INTS1: variants seen among roughly 807,000 people sequenced by gnomAD.
INTS1 encodes the protein integrator complex subunit 1.
Under a neutral mutation model 241.6 loss-of-function variants are expected in INTS1, and 137 were observed. The ratio of observed to expected loss-of-function variants is 0.57; its 90% CI spans 0.49 to 0.65. INTS1 has a LOEUF of 0.65. INTS1 is among the 30% of genes least tolerant of loss of function. INTS1 has a pLI of 0.00. For synonymous variants in INTS1, 1,692 were observed against 1,337.8 expected (o/e 1.26, Z -5.78); for missense variants, 3,073 against 3,032.2 (o/e 1.01, Z -0.32).
At chr7:1,479,792 G>A (rs1435074212) in intron 30 of INTS1, 108 bp from the exon 31 acceptor site, 10 of 1,221,276 alleles carry the variant, frequency 8.2e-6, no homozygotes, top group South Asian at 1.7e-5. Flanking sequence ...GCGTCCCATC[G>A]TGTCCCTGTT....
Position 1,476,620 on chromosome 7 carries a change from A to G in INTS1, c.5101T>C (p.Cys1701Arg), listed in dbSNP as rs1781736321. The stretch of plus-strand genomic sequence containing the variant: ...TGCCAGATGCGAGGAACATGGATGC[A>G]GGCCCAGAGGAAGTCCAGAGAGGCA... ...PSASLDFLWA[C>R]IHVPRIWQGR... The change falls in exon 37 of 48, where the codon TGC (cysteine) becomes CGC (arginine). Residue 1701 changes from cysteine (C) to arginine (R), a missense_variant. Cys to Arg is a radical substitution (Grantham distance 180). Transcript: ENST00000404767. 5.0e-6 allele frequency: 8 copies of G among 1,612,556 alleles called. No homozygotes were observed. Among genetic ancestry groups the G allele is most frequent in the Non-Finnish European group, 6.8e-6 (8 of 1,179,828 alleles).
rs148713511 is a variant in INTS1, at chr7:1,486,006, G to A, written c.2977-537C>T. ...TTGTAGAGATGGGTATCATTATGTT[G>A]CCCAGGCTGGTCTCAAACTCCTGGG... On this transcript the variant is annotated intron_variant, in intron 22 of 47. Coordinates refer to ENST00000404767, the MANE Select transcript of INTS1 (RefSeq NM_001080453.3). Among the ~76,000 whole-genome samples, 576 of 152,146 alleles carry A rather than the reference G, an allele frequency of 3.8e-3. 4 individuals are homozygous for A. The highest frequency in any genetic ancestry group is 0.013 in the African/African-American group (557 of 41,498).
chr7:1,500,232 G>C lies in INTS1; in HGVS notation c.484C>G (p.Leu162Val), dbSNP rs199632214. The stretch of plus-strand genomic sequence containing the variant: ...ATCTTGGCCAGGTACATGAGGCTCA[G>C]GTAGAGGGTGCTGTCAGGCTTGGCG... ...TRAKPDSTLYLSLMYLAKIKP... is the reference protein window; with the variant it reads ...TRAKPDSTLYVSLMYLAKIKP... Residue 162 changes from leucine (L) to valine (V), a missense_variant, in exon 4 of 48, where the codon CTG (leucine) becomes GTG (valine). Transcript: ENST00000404767. 1 of 1,605,772 alleles carries C rather than the reference G, an allele frequency of 6.2e-7. No homozygotes were observed. The highest frequency in any genetic ancestry group is 2.2e-5 in the East Asian group (1 of 44,510).
intron 24 of INTS1, 112 bp from the exon 25 acceptor site, chr7:1,484,282 G>A (rs1037223788): frequency 2.4e-5 from 27 of 1,141,908 alleles, no homozygotes; most frequent in Admixed American, 4.6e-5. Flanking sequence ...CAGGGCCCGC[G>A]GCACCGCAGA....
At chr7:1,478,260 G>C in intron 33 of INTS1, 106 bp downstream of exon 33, 1 of 1,308,004 alleles carries the variant, frequency 7.6e-7, no homozygotes, top group Non-Finnish European at 1.1e-6. Context: ...TCCGGGGACA[G>C]TGCTGAGCAG....
intron 26 of INTS1, 29 bp from the exon 27 acceptor site, chr7:1,482,736 T>C: frequency 1.9e-6 from 3 of 1,608,330 alleles, no homozygotes; most frequent in Non-Finnish European, 2.5e-6. Context: ...GTGAGCAGCC[T>C]TCAGACCCAC....
At position 1,482,382 on chromosome 7, in the gene INTS1, C is replaced by T. The variant is rs543174105; in HGVS notation, c.3703+164G>A. 8 of 629,400 alleles carry T rather than the reference C, an allele frequency of 1.3e-5. No individual in the cohort carries two copies. The East Asian group carries it at 1.5e-4, about 12-fold the overall frequency. 39.0% of individuals were successfully genotyped at this position (629,400 alleles called of 1,614,324 possible). A position where few individuals can be genotyped will look rare whatever the true frequency, so the allele number is the denominator to read the frequency against. The stretch of plus-strand genomic sequence containing the variant: ...CTAGGTCTCCTCCCAGGGTCCAGCA[C>T]AGCCTGCTGTGGCCAGGACATATGG... On this transcript the variant is annotated intron_variant, in intron 27 of 47. Coordinates refer to ENST00000404767, the MANE Select transcript of INTS1 (RefSeq NM_001080453.3).
intron 11 of INTS1, among the ~76,000 whole-genome samples, chr7:1,496,501 C>A (rs774801372): frequency 3.9e-5 from 6 of 151,972 alleles, no homozygotes; most frequent in Non-Finnish European, 7.4e-5. Flanking sequence ...GAGCCCCACT[C>A]CACAAACACG....
Position 1,487,756 on chromosome 7 carries a change from G to A in INTS1, c.2516+4C>T, listed in dbSNP as rs746967383. On this transcript the variant is annotated splice_donor_region_variant and intron_variant, in intron 19 of 47. Transcript: ENST00000404767. ...CGCAGGGCGGGGCTGTGTGGGCTGC[G>A]TACTGGGGGTCCAGGCTGGTGAGCT... 1.1e-5 allele frequency: 17 copies of A among 1,606,840 alleles called. No individual in the cohort carries two copies. The highest frequency in any genetic ancestry group is 4.5e-5 in the East Asian group (2 of 44,872).
rs1343179948 is a variant in INTS1, at chr7:1,485,444, C to T, written c.3002G>A (p.Gly1001Asp). ...MKGLSLVLSE[G>D]SLRDGEEKEP... ...CTTCTCCTCCCCGTCCCGCAGGCTG[C>T]CCTCCGAAAGCACCAGCGACAAACC... The change falls in exon 23 of 48, where the codon GGC (glycine) becomes GAC (aspartate). Residue 1001 changes from glycine (G) to aspartate (D), a missense_variant. Gly to Asp is a moderately conservative substitution (Grantham distance 94, BLOSUM62 -1). Coordinates refer to ENST00000404767, the MANE Select transcript of INTS1 (RefSeq NM_001080453.3). The T allele has an allele frequency of 1.9e-6, 3 of 1,612,516 alleles. No homozygotes were observed. The highest frequency in any genetic ancestry group is 2.7e-5 in the African/African-American group (2 of 74,934).
chr7:1,475,415 T>G (rs1208891128), intron 39 of INTS1, among the ~76,000 whole-genome samples: 1 of 151,996 alleles, frequency 6.6e-6, no homozygotes, highest in Non-Finnish European at 1.5e-5. Context: ...TCAAGTGTGA[T>G]TTCAACAAAT....
rs2128540203 is a variant in INTS1 at position 1,489,389 on chromosome 7, T to C, written c.2273A>G (p.Glu758Gly). The change falls in exon 18 of 48, where the codon GAG becomes GGG. Residue 758 changes from glutamate to glycine, a missense_variant. Coordinates refer to ENST00000404767, the MANE Select transcript of INTS1 (RefSeq NM_001080453.3). ...NPENIGLAAW[E>G]EYPTLKMLME... ...GAGCATCTTCAGGGTCGGGTACTCC[T>C]CCCACGCAGCCAGGCCTAGGGAACC... is the stretch of plus-strand genomic sequence containing the variant. 9.7e-7 allele frequency: 1 copy of C among 1,030,342 alleles called. No homozygotes were observed. Among genetic ancestry groups the C allele is most frequent in the South Asian group, 2.4e-5 (1 of 41,736 alleles). The allele number at this position is 1,030,342 out of a possible 1,614,324, so 63.8% of individuals were successfully genotyped here. A position where few individuals can be genotyped will look rare whatever the true frequency, so the allele number is the denominator to read the frequency against.
At chr7:1,471,817 G>A (rs192099614) in intron 44 of INTS1, 176 bp from the exon 45 acceptor site, 19 of 624,430 alleles carry the variant, frequency 3.0e-5, no homozygotes, top group African/African-American at 2.2e-4. Flanking sequence ...ACAAATACCC[G>A]GCCCTGCCCC....
rs1057438143 is a variant in INTS1 at position 1,470,472 on chromosome 7, AC to A, written c.*104del. ...CCTGGCCTCAGGGCTCGGCGCCCTC[AC>A]CTCCTCGGACAGACCAGCAACGCCC... On this transcript the variant is annotated 3_prime_UTR_variant, in exon 48 of 48. Coordinates refer to ENST00000404767, the MANE Select transcript of INTS1 (RefSeq NM_001080453.3). 3.4e-6 allele frequency: 3 copies of A among 869,588 alleles called. No individual in the cohort carries two copies. The highest frequency in any genetic ancestry group is 5.0e-6 in the Non-Finnish European group (3 of 595,104). 53.9% of individuals were successfully genotyped at this position (869,588 alleles called of 1,614,324 possible). A position where few individuals can be genotyped will look rare whatever the true frequency, so the allele number is the denominator to read the frequency against.
At position 1,503,164 on chromosome 7, in the gene INTS1, G is replaced by A. The variant is rs780523990; in HGVS notation, c.86C>T (p.Ala29Val). 4 of 1,553,264 alleles carry A rather than the reference G, an allele frequency of 2.6e-6. No individual in the cohort carries two copies. In the Admixed American group the frequency reaches 5.9e-5, roughly 23 times the overall value. The change falls in exon 3 of 48, where the codon GCT (alanine) becomes GTT (valine). Residue 29 changes from alanine (A) to valine (V), a missense_variant. Physicochemically the swap from Ala to Val is moderately conservative, Grantham distance 64. Transcript: ENST00000404767. ...SGHPPPGDFI[A>V]LGSKGQANES... ...ATTGGCCTGACCCTTTGAGCCCAGAGCAATGAAGTCTCCTGGGGGAGGGTG... is the reference window on the plus strand; with the variant it reads ...ATTGGCCTGACCCTTTGAGCCCAGAACAATGAAGTCTCCTGGGGGAGGGTG...
At position 1,493,103 on chromosome 7, in the gene INTS1, A is replaced by G. The variant is rs750492719; in HGVS notation, c.2072T>C (p.Val691Ala). Residue 691 changes from valine to alanine, a missense_variant, in exon 16 of 48, where the codon GTG (valine) becomes GCG (alanine). By Grantham distance (64) the Val-to-Ala change is moderately conservative (BLOSUM62 0). Transcript: ENST00000404767. This position sits in a 1 kb window ranked among gnomAD's most constrained non-coding sequence, Gnocchi z 5.3. ...KRAAAVQADD[V>A]EVLKVGRTQL... Reference sequence around the variant, plus strand: ...GGTCCTCCCCACCTTCAGCACCTCCACATCTAAGACCAAGAGCCACACATG... The same window carrying G: ...GGTCCTCCCCACCTTCAGCACCTCCGCATCTAAGACCAAGAGCCACACATG... 1 of 1,612,710 alleles carries G rather than the reference A, an allele frequency of 6.2e-7. No homozygotes were observed. The highest frequency in any genetic ancestry group is 1.3e-5 in the African/African-American group (1 of 74,972).
chr7:1,489,349 C>A lies in INTS1; in HGVS notation c.2313G>T (p.Met771Ile). The change falls in exon 18 of 48, where the codon ATG (methionine) becomes ATT (isoleucine). Residue 771 changes from methionine (M) to isoleucine (I), a missense_variant. Transcript: ENST00000404767. ...GAGGGGACGTGCGCACTCACTTGGT[C>A]ATCACCATCTCCATGAGCATCTTCA... ...PTLKMLMEMV[M>I]TNNYSYPPCT... The A allele has an allele frequency of 1.8e-6, 1 of 564,460 alleles. No individual in the cohort carries two copies. Among genetic ancestry groups the A allele is most frequent in the Admixed American group, 4.8e-5 (1 of 20,824 alleles). 35.0% of individuals were successfully genotyped at this position (564,460 alleles called of 1,614,324 possible).
intron 16 of INTS1, 48 bp from the exon 17 acceptor site, chr7:1,489,730 C>T (rs772814571): frequency 5.2e-6 from 7 of 1,347,482 alleles, no homozygotes; most frequent in African/African-American, 1.5e-5. Flanking sequence ...CCAAGCTCAG[C>T]GCCAAGGATC....
Position 1,478,891 on chromosome 7 carries a change from G to A in INTS1, c.4330-6C>T. Reference sequence around the variant, plus strand: ...GTGTCCTGTGGCACACAGCGCTGCGGGGACAAAGTGGCACGTGGCTACCCT... The same window carrying A: ...GTGTCCTGTGGCACACAGCGCTGCGAGGACAAAGTGGCACGTGGCTACCCT... On this transcript the variant is annotated splice_region_variant and splice_polypyrimidine_tract_variant and intron_variant, in intron 31 of 47. Coordinates refer to ENST00000404767, the MANE Select transcript of INTS1 (RefSeq NM_001080453.3). The A allele has an allele frequency of 6.3e-7, 1 of 1,591,494 alleles. No homozygotes were observed. The highest frequency in any genetic ancestry group is 8.6e-7 in the Non-Finnish European group (1 of 1,163,532).
Sources: allele counts gnomAD v4.1 joint callset (sites outside exome capture counted in the v4.1 genomes callset), GRCh38; gene constraint gnomAD v4.1.1; non-coding constraint Gnocchi (gnomAD v3.1); transcripts MANE v1.5; gene names NCBI Gene and HGNC (gene_info 2026-07-23, HGNC 2026-07-21).